DRC4: variants seen among roughly 807,000 people sequenced by gnomAD.
DRC4 encodes dynein regulatory complex subunit 4, also known as GAS-11.
the DRC4 span, among the ~76,000 whole-genome samples, chr16:90,024,614 G>A: frequency 1.3e-5 from 2 of 152,250 alleles, no homozygotes; most frequent in African/African-American, 2.4e-5. Context: ...CTCACTAGCC[G>A]CAGAAAAACA....
the DRC4 span, chr16:90,037,937 G>T: frequency 5.8e-5 from 70 of 1,203,758 alleles, 1 homozygote; most frequent in African/African-American, 7.2e-4. Context: ...GCACTAGGCT[G>T]GCCCTGCAGT....
chr16:90,037,340 G>C, the DRC4 span: 1 of 1,614,062 alleles, frequency 6.2e-7, no homozygotes, highest in Non-Finnish European at 8.5e-7. Flanking sequence ...GGCTCGGGAG[G>C]AGATGAGCGA....
At chr16:90,040,963 G>A in the DRC4 span, among the ~76,000 whole-genome samples, 2,141 of 152,246 alleles carry the variant, frequency 0.014, 63 homozygotes, top group African/African-American at 0.05. Flanking sequence ...GTATAGGAGG[G>A]GCCTCACCTG....
At chr16:90,042,580 C>T in the DRC4 span, 98 of 1,531,140 alleles carry the variant, frequency 6.4e-5, no homozygotes, top group Non-Finnish European at 8.1e-5. Context: ...CCCTCGGTGC[C>T]CAGACTGTTC....
At chr16:90,044,800 C>T in the DRC4 span, 26 of 299,198 alleles carry the variant, frequency 8.7e-5, no homozygotes, top group South Asian at 6.3e-4. Context: ...CACCACTGCC[C>T]TGTCTTTAGG....
At chr16:90,042,969 C>G in the DRC4 span, 2 of 552,092 alleles carry the variant, frequency 3.6e-6, no homozygotes, top group South Asian at 2.5e-5. Context: ...GCCTCCGTCT[C>G]GTCATTTGTG....
chr16:90,030,757 T>C, the DRC4 span, among the ~76,000 whole-genome samples: 1 of 152,036 alleles, frequency 6.6e-6, no homozygotes, highest in Non-Finnish European at 1.5e-5. Flanking sequence ...GCTGAGACTA[T>C]AGGTGCGTGC....
At chr16:90,037,898 CGGTTCACCA>C in the DRC4 span, 1 of 1,525,026 alleles carries the variant, frequency 6.6e-7, no homozygotes, top group East Asian at 2.3e-5. Context: ...GTTAGAGCAA[CGGTTCACCA>C]AGTTCACCAA....
At chr16:90,040,032 T>C in the DRC4 span, 1 of 502,512 alleles carries the variant, frequency 2.0e-6, no homozygotes, top group Non-Finnish European at 3.6e-6. Context: ...CTTCAGCTCT[T>C]ACCAGGACAC....
At chr16:90,044,320 G>T in the DRC4 span, 2 of 421,592 alleles carry the variant, frequency 4.7e-6, no homozygotes, top group Admixed American at 2.9e-5. Flanking sequence ...GTGTGTCCTC[G>T]TAGAGTCTAT....
the DRC4 span, chr16:90,036,958 T>C: frequency 3.6e-6 from 2 of 558,420 alleles, no homozygotes; most frequent in Non-Finnish European, 3.2e-6. Flanking sequence ...ATGCTGGCAG[T>C]GACAGGATTT....
chr16:90,021,712 T>TAA, the DRC4 span, among the ~76,000 whole-genome samples: 1 of 146,920 alleles, frequency 6.8e-6, no homozygotes, highest in Admixed American at 6.8e-5. Context: ...ATTAAAAACT[T>TAA]AAAAAAAAAA....
the DRC4 span, chr16:90,037,264 C>A: frequency 9.3e-5 from 150 of 1,613,102 alleles, no homozygotes; most frequent in African/African-American, 1.6e-3. Context: ...AGAAGGAGGA[C>A]CACCTGGAGA....
At chr16:90,035,904 C>T in the DRC4 span, 1 of 1,449,964 alleles carries the variant, frequency 6.9e-7, no homozygotes, top group African/African-American at 1.4e-5. Context: ...CTGTGATTAC[C>T]ACACACATTC....
chr16:90,044,316 C>G, the DRC4 span: 2 of 422,098 alleles, frequency 4.7e-6, no homozygotes, highest in Non-Finnish European at 4.7e-6. Flanking sequence ...ACGGGTGTGT[C>G]CTCGTAGAGT....
the DRC4 span, among the ~76,000 whole-genome samples, chr16:90,025,714 T>C: frequency 7.1e-6 from 1 of 141,810 alleles, no homozygotes. Context: ...TGAAACCTCG[T>C]CTCTACTAAA....
chr16:90,038,786 C>T, the DRC4 span, among the ~76,000 whole-genome samples: 10 of 152,184 alleles, frequency 6.6e-5, no homozygotes, highest in Non-Finnish European at 1.3e-4. Flanking sequence ...GGTAGGGGTG[C>T]TCGGTCCTGT....
chr16:90,043,321 G>A, the DRC4 span: 116 of 1,608,586 alleles, frequency 7.2e-5, no homozygotes, highest in South Asian at 1.3e-4. Flanking sequence ...AGGGCCCCGC[G>A]GGACTGGTGG....
the DRC4 span, chr16:90,037,914 C>T: frequency 1.4e-6 from 2 of 1,418,634 alleles, no homozygotes; most frequent in African/African-American, 1.4e-5. Flanking sequence ...ACCAAGTTCA[C>T]CAAGGTGAGC....
Sources: allele counts gnomAD v4.1 joint callset (sites outside exome capture counted in the v4.1 genomes callset), GRCh38; gene constraint gnomAD v4.1.1; transcripts MANE v1.5; gene names NCBI Gene and HGNC (gene_info 2026-07-23, HGNC 2026-07-21).